ZMYND11: variants seen among roughly 807,000 people sequenced by gnomAD.
The protein encoded by ZMYND11 is zinc finger MYND-type containing 11, also known as zinc finger MYND domain-containing protein 11.
ZMYND11 carries 9 observed loss-of-function variants against 84.9 expected under a neutral mutation model. The ratio of observed to expected loss-of-function variants is 0.11; its 90% CI spans 0.06 to 0.18. The LOEUF (loss-of-function observed/expected upper bound fraction) is 0.18. Among genes scored for constraint, ZMYND11 ranks in the 10% least tolerant of loss-of-function variants. ZMYND11 has a pLI of 1.00. For synonymous variants in ZMYND11, 250 were observed against 244.1 expected, an observed-to-expected ratio of 1.02 and a Z score of -0.23; for missense variants, 409 against 761.0, an observed-to-expected ratio of 0.54 and a Z score of 5.44.
intron 1 of ZMYND11, among the ~76,000 whole-genome samples, chr10:178,722 G>A (rs796163554): frequency 9.8e-5 from 15 of 152,286 alleles, no homozygotes; most frequent in African/African-American, 3.6e-4. Flanking sequence ...AGAAGTAATA[G>A]TGTGAGAATA....
intron 4 of ZMYND11, among the ~76,000 whole-genome samples, chr10:227,497 G>A (rs1216130228): frequency 6.6e-6 from 1 of 152,024 alleles, no homozygotes; most frequent in Non-Finnish European, 1.5e-5. Context: ...GGTCTGGGTA[G>A]GTTATGTTTG....
At chr10:199,951 A>G (rs1027586638) in intron 2 of ZMYND11, among the ~76,000 whole-genome samples, 1 of 151,374 alleles carries the variant, frequency 6.6e-6, no homozygotes, top group East Asian at 1.9e-4. Flanking sequence ...TGCAGCCTCT[A>G]CCTCCTGGGC....
Position 170,755 on chromosome 10 carries a change from G to C in ZMYND11, c.-19-9239G>C, listed in dbSNP as rs918502309. On this transcript the variant is annotated intron_variant, in intron 1 of 14. Coordinates refer to ENST00000381604, the MANE Select transcript of ZMYND11 (RefSeq NM_001370100.5). ...AGAATGCTCAACTAAAACCACAAAA[G>C]GTAGAAAAAGTGTGGAAGACAGAAA... Among the ~76,000 whole-genome samples the C allele has an allele frequency of 5.9e-5, 9 of 152,056 alleles. No individual in the cohort carries two copies. The East Asian group carries it at 1.4e-3, about 23-fold the overall frequency.
intron 1 of ZMYND11, among the ~76,000 whole-genome samples, chr10:156,656 C>T (rs1383926601): frequency 6.6e-6 from 1 of 152,100 alleles, no homozygotes; most frequent in Non-Finnish European, 1.5e-5. Flanking sequence ...ATAACTAGTT[C>T]CCTAACCTTC....
At chr10:236,470 T>A (rs1263529977) in intron 4 of ZMYND11, among the ~76,000 whole-genome samples, 1 of 152,240 alleles carries the variant, frequency 6.6e-6, no homozygotes. Flanking sequence ...TCATTATTGC[T>A]AATTTAAGAT....
intron 4 of ZMYND11, among the ~76,000 whole-genome samples, chr10:235,705 G>A (rs1335823605): frequency 1.3e-5 from 2 of 152,180 alleles, no homozygotes; most frequent in East Asian, 1.9e-4. Context: ...TGTGGGCACA[G>A]GCCACAAAGC....
chr10:182,390 A>C (rs1848068802), intron 2 of ZMYND11, among the ~76,000 whole-genome samples: 1 of 152,220 alleles, frequency 6.6e-6, no homozygotes. Flanking sequence ...CATAGCCTTA[A>C]CTGATGCCAA....
chr10:169,681 T>C (rs1844828482), intron 1 of ZMYND11, among the ~76,000 whole-genome samples: 1 of 152,008 alleles, frequency 6.6e-6, no homozygotes, highest in African/African-American at 2.4e-5. Flanking sequence ...AGACTGGACG[T>C]GACTAAGGAG....
At position 248,885 on chromosome 10, in the gene ZMYND11, G is replaced by T; in HGVS notation, c.1501-18G>T. The T allele has an allele frequency of 1.3e-6, 2 of 1,594,948 alleles. No individual in the cohort carries two copies. Among genetic ancestry groups the T allele is most frequent in the Non-Finnish European group, 1.7e-6 (2 of 1,170,328 alleles). ...TAAGTTGTGTGCTGACGCACTGTGG[G>T]TTGTCTTTTCATTCCAGCTGCGTTC... On this transcript the variant is annotated intron_variant, in intron 13 of 14. Coordinates refer to ENST00000381604, the MANE Select transcript of ZMYND11 (RefSeq NM_001370100.5).
chr10:244,531 T>TC (rs1488777920), intron 10 of ZMYND11: 1 of 152,288 alleles, frequency 6.6e-6, no homozygotes, highest in Non-Finnish European at 1.5e-5. Flanking sequence ...ATAAGACCTG[T>TC]CTTAAGGAGG....
intron 13 of ZMYND11, 119 bp from the exon 14 acceptor site, chr10:248,784 C>T (rs1244954873): frequency 2.1e-6 from 3 of 1,416,004 alleles, no homozygotes; most frequent in East Asian, 5.0e-5. Flanking sequence ...AAATTTTTTA[C>T]ACATGTAATG....
intron 10 of ZMYND11, among the ~76,000 whole-genome samples, chr10:245,514 C>G (rs956660104): frequency 1.3e-5 from 2 of 152,138 alleles, no homozygotes; most frequent in African/African-American, 4.8e-5. Context: ...TAACAGAAAA[C>G]TGAAAAGCAT....
intron 14 of ZMYND11, chr10:249,808 C>G (rs564700011): frequency 1.0e-6 from 1 of 953,262 alleles, no homozygotes; most frequent in African/African-American, 1.8e-5. Flanking sequence ...TTCATTTTAT[C>G]AAGCCTATAT....
At position 152,839 on chromosome 10, in the gene ZMYND11, G is replaced by T. The variant is rs536924270; in HGVS notation, c.-20+17280G>T. Among the ~76,000 whole-genome samples the T allele has an allele frequency of 5.3e-5, 8 of 152,152 alleles. 1 individual carries two copies. The highest frequency in any genetic ancestry group is 3.8e-4 in the East Asian group (2 of 5,198). ...AAAGCACTCCTCAGCAAATGTAAAA[G>T]AACAGAAATTATAACAAACTGTCTC... On this transcript the variant is annotated intron_variant, in intron 1 of 14. Transcript: ENST00000381604.
At chr10:145,876 T>A (rs1425110549) in intron 1 of ZMYND11, among the ~76,000 whole-genome samples, 3 of 152,172 alleles carry the variant, frequency 2.0e-5, no homozygotes, top group Non-Finnish European at 4.4e-5. Flanking sequence ...GTGCAGAAGA[T>A]TTTTAGTTTA....
intron 2 of ZMYND11, among the ~76,000 whole-genome samples, chr10:204,085 A>G (rs1291298047): frequency 6.6e-6 from 1 of 152,068 alleles, no homozygotes; most frequent in African/African-American, 2.4e-5. Flanking sequence ...TATGTGTGTT[A>G]TTTCACACAT....
At chr10:244,274 A>T (rs1951670422) in intron 10 of ZMYND11, among the ~76,000 whole-genome samples, 2 of 152,320 alleles carry the variant, frequency 1.3e-5, no homozygotes, top group Middle Eastern at 3.4e-3. Flanking sequence ...ACTGGTTGCA[A>T]GTTTTGGCTA....
At chr10:214,641 G>A (rs1945843209) in intron 3 of ZMYND11, among the ~76,000 whole-genome samples, 6 of 152,118 alleles carry the variant, frequency 3.9e-5, no homozygotes, top group Non-Finnish European at 1.5e-5. Flanking sequence ...TGTGATATCT[G>A]GTCATTCAAT....
chr10:162,674 C>T (rs138050204), intron 1 of ZMYND11, among the ~76,000 whole-genome samples: 10 of 152,172 alleles, frequency 6.6e-5, no homozygotes, highest in African/African-American at 9.6e-5. Context: ...TAGTATTGAA[C>T]CATCATTGCC....
Sources: gnomAD v4.1 joint callset for allele counts (sites outside exome capture counted in the v4.1 genomes callset) on GRCh38, gnomAD v4.1.1 for gene constraint, MANE v1.5 for transcripts, NCBI Gene and HGNC (gene_info 2026-07-23, HGNC 2026-07-21) for gene names.